LRMDA: variants seen among roughly 807,000 people sequenced by gnomAD.
The protein encoded by LRMDA is leucine rich melanocyte differentiation associated.
In LRMDA, 18 loss-of-function variants were observed where a neutral mutation model predicts 29.8. The ratio of observed to expected loss-of-function variants is 0.60; its 90% CI spans 0.42 to 0.90. LRMDA has a LOEUF of 0.90. Ranked by LOEUF, LRMDA falls within the 40% of genes least tolerant of loss-of-function variation. LRMDA has a pLI of 0.00. For missense variants in LRMDA, 273 were observed against 273.9 expected (o/e 1.00, Z 0.02); for synonymous variants, 125 against 109.4 (o/e 1.14, Z -0.89).
chr10:76,517,325 G>C (rs182448707), intron 6 of LRMDA, among the ~76,000 whole-genome samples: 1 of 152,076 alleles, frequency 6.6e-6, no homozygotes, highest in South Asian at 2.1e-4. Context: ...CAAAAACAAA[G>C]AGAAGATTTT....
Position 76,148,924 on chromosome 10 carries a change from C to T in LRMDA, c.516+90141C>T, listed in dbSNP as rs546798315. Among the ~76,000 whole-genome samples the T allele has an allele frequency of 3.9e-5, 6 of 152,294 alleles. No homozygotes were observed. In the East Asian group the frequency reaches 9.6e-4, roughly 24 times the overall value. On this transcript the variant is annotated intron_variant, in intron 5 of 6. Coordinates refer to ENST00000611255, the MANE Select transcript of LRMDA (RefSeq NM_001305581.2). ...CCTAGAGTTTCTCTTGGAATAGAGT[C>T]GCTGAGTCTTTAGTTATGCATACTT...
intron 2 of LRMDA, among the ~76,000 whole-genome samples, chr10:75,720,011 C>G (rs1842546675): frequency 6.6e-6 from 1 of 152,150 alleles, no homozygotes; most frequent in African/African-American, 2.4e-5. Context: ...TCTTTCTTCT[C>G]TATTTAAAAT....
At chr10:75,931,799 C>T (rs189844615) in intron 2 of LRMDA, among the ~76,000 whole-genome samples, 35 of 152,196 alleles carry the variant, frequency 2.3e-4, no homozygotes, top group African/African-American at 7.0e-4. Context: ...TCCATGGAGC[C>T]GGCTTTACCA....
At chr10:76,375,517 T>A (rs962032052) in intron 6 of LRMDA, among the ~76,000 whole-genome samples, 5 of 152,180 alleles carry the variant, frequency 3.3e-5, no homozygotes, top group African/African-American at 1.2e-4. Context: ...CTTCGTAGTG[T>A]TTTAAAAATG....
intron 2 of LRMDA, among the ~76,000 whole-genome samples, chr10:75,576,794 G>A (rs1840511384): frequency 6.6e-6 from 1 of 152,198 alleles, no homozygotes; most frequent in Admixed American, 6.5e-5. Flanking sequence ...TTGCAGCAGA[G>A]GGGCCTGTTA....
chr10:76,393,809 C>A (rs536992541), intron 6 of LRMDA, among the ~76,000 whole-genome samples: 1 of 152,220 alleles, frequency 6.6e-6, no homozygotes, highest in East Asian at 1.9e-4. Flanking sequence ...ATGTTGAAGT[C>A]TTTAATCCAC....
intron 6 of LRMDA, among the ~76,000 whole-genome samples, chr10:76,436,283 C>T (rs1198902396): frequency 6.6e-6 from 1 of 152,142 alleles, no homozygotes; most frequent in Non-Finnish European, 1.5e-5. Flanking sequence ...TTAATGCTTT[C>T]TGTGAGTGAA....
intron 2 of LRMDA, among the ~76,000 whole-genome samples, chr10:75,913,890 TG>T (rs576652803): frequency 8.5e-4 from 129 of 152,336 alleles, no homozygotes; most frequent in African/African-American, 3.1e-3. Context: ...TTTTCCCGTA[TG>T]AATCCCTTGT....
intron 6 of LRMDA, among the ~76,000 whole-genome samples, chr10:76,456,067 C>A (rs549729420): frequency 6.6e-6 from 1 of 152,106 alleles, no homozygotes; most frequent in Middle Eastern, 3.2e-3. Flanking sequence ...GTATGAATAT[C>A]CCTCAGAGAA....
In LRMDA at chr10:75,697,838, TGTGTGTGTGTGTGC is replaced by T. The variant is rs1382685605; in HGVS notation, c.131+259358_131+259371del. Among the ~76,000 whole-genome samples the T allele has an allele frequency of 4.8e-5, 7 of 144,424 alleles. No homozygotes were observed. The East Asian group carries it at 9.9e-4, about 20-fold the overall frequency. The allele number at this position is 144,424 out of a possible 152,430, so 94.7% of individuals were successfully genotyped here. A position where few individuals can be genotyped will look rare whatever the true frequency, so the allele number is the denominator to read the frequency against. On this transcript the variant is annotated intron_variant, in intron 2 of 6. Coordinates refer to ENST00000611255, the MANE Select transcript of LRMDA (RefSeq NM_001305581.2). ...TCTGTATTATGTGCATGTAAGAGTG[TGTGTGTGTGTGTGC>T]GTGTGTGTGTGTGTCTCATTCGCGC...
At chr10:76,117,872 G>A (rs1298204716) in intron 5 of LRMDA, among the ~76,000 whole-genome samples, 1 of 152,182 alleles carries the variant, frequency 6.6e-6, no homozygotes, top group East Asian at 1.9e-4. Flanking sequence ...AGAGTTCATT[G>A]GTTGCTTTGG....
intron 5 of LRMDA, among the ~76,000 whole-genome samples, chr10:76,316,377 C>T (rs574173385): frequency 1.6e-4 from 25 of 152,190 alleles, no homozygotes; most frequent in African/African-American, 6.0e-4. Context: ...GCAGCCAGCA[C>T]ACCTGGCCGT....
intron 5 of LRMDA, among the ~76,000 whole-genome samples, chr10:76,188,546 C>T (rs1487290380): frequency 1.3e-5 from 2 of 152,170 alleles, no homozygotes; most frequent in African/African-American, 4.8e-5. Flanking sequence ...CTTTGTATCC[C>T]AGATGGTGGA....
chr10:75,441,487 AT>A (rs1844326434), intron 2 of LRMDA, among the ~76,000 whole-genome samples: 1 of 152,170 alleles, frequency 6.6e-6, no homozygotes, highest in Non-Finnish European at 1.5e-5. Flanking sequence ...CTGGGTGGTA[AT>A]TGTGGCACAC....
chr10:76,093,849 T>C (rs141748288), intron 5 of LRMDA, among the ~76,000 whole-genome samples: 1 of 152,322 alleles, frequency 6.6e-6, no homozygotes, highest in Non-Finnish European at 1.5e-5. Context: ...TTCCTGTGTC[T>C]AGAACATCTG....
intron 2 of LRMDA, among the ~76,000 whole-genome samples, chr10:75,903,588 T>C (rs908207786): frequency 2.0e-5 from 3 of 152,184 alleles, no homozygotes; most frequent in African/African-American, 7.2e-5. Flanking sequence ...ACAACAACAA[T>C]AATAATGATG....
chr10:75,796,429 G>T (rs889168231), intron 2 of LRMDA, among the ~76,000 whole-genome samples: 1 of 151,936 alleles, frequency 6.6e-6, no homozygotes, highest in Non-Finnish European at 1.5e-5. Flanking sequence ...GATTATATGG[G>T]TTTTCTCCTT....
chr10:75,663,818 C>A (rs1841785799), intron 2 of LRMDA, among the ~76,000 whole-genome samples: 1 of 152,174 alleles, frequency 6.6e-6, no homozygotes, highest in African/African-American at 2.4e-5. Context: ...ACCCCTATTC[C>A]CAACAGCATG....
chr10:76,242,817 T>C (rs1852301340), intron 5 of LRMDA, among the ~76,000 whole-genome samples: 1 of 152,232 alleles, frequency 6.6e-6, no homozygotes. Context: ...CGAGTTGTCC[T>C]ACATCTTGAC....
Sources: gnomAD v4.1 joint callset for allele counts (sites outside exome capture counted in the v4.1 genomes callset) on GRCh38, gnomAD v4.1.1 for gene constraint, MANE v1.5 for transcripts, NCBI Gene and HGNC (gene_info 2026-07-23, HGNC 2026-07-21) for gene names.